The following SORCS3 variants were observed in gnomAD, a reference collection of about 807,000 sequenced individuals.
SORCS3 encodes sortilin related VPS10 domain containing receptor 3, also known as VPS10 domain-containing receptor SorCS3.
SORCS3 carries 57 observed loss-of-function variants against 146.3 expected under a neutral mutation model. The ratio of observed to expected loss-of-function variants is 0.39; its 90% CI spans 0.31 to 0.49. The LOEUF is 0.49. Among genes scored for constraint, SORCS3 ranks in the 20% least tolerant of loss-of-function variants. SORCS3 has a pLI of 0.92. For missense variants in SORCS3, 1,341 were observed against 1,575.5 expected (o/e 0.85, Z 2.52); for synonymous variants, 653 against 618.5 (o/e 1.06, Z -0.83).
At chr10:104,727,693 A>T (rs1284373245) in intron 1 of SORCS3, among the ~76,000 whole-genome samples, 1 of 152,130 alleles carries the variant, frequency 6.6e-6, no homozygotes, top group Non-Finnish European at 1.5e-5. Context: ...GACCAGTATC[A>T]GTCCGTGGCC....
intron 3 of SORCS3, among the ~76,000 whole-genome samples, chr10:104,923,240 T>C (rs1045454228): frequency 1.3e-5 from 2 of 152,222 alleles, no homozygotes; most frequent in Non-Finnish European, 2.9e-5. Flanking sequence ...ATGATCCACA[T>C]TTAATTTCTG....
At chr10:104,868,644 C>T (rs1023340975) in intron 2 of SORCS3, among the ~76,000 whole-genome samples, 1 of 152,114 alleles carries the variant, frequency 6.6e-6, no homozygotes, top group Non-Finnish European at 1.5e-5. Flanking sequence ...TGATATTCAG[C>T]AGGCTCAGCC....
chr10:105,113,463 T>C (rs1163485609), intron 7 of SORCS3, among the ~76,000 whole-genome samples: 1 of 152,146 alleles, frequency 6.6e-6, no homozygotes, highest in Admixed American at 6.6e-5. Flanking sequence ...ACATTAAAAA[T>C]TTTACCCTCT....
chr10:105,101,979 C>T (rs1470118698), intron 6 of SORCS3, among the ~76,000 whole-genome samples: 3 of 152,170 alleles, frequency 2.0e-5, no homozygotes, highest in African/African-American at 7.2e-5. Context: ...CAATGTGCTC[C>T]AAAGCACAGC....
chr10:105,211,366 C>T (rs2056632782), intron 17 of SORCS3, 116 bp downstream of exon 17: 1 of 723,818 alleles, frequency 1.4e-6, no homozygotes, highest in East Asian at 2.7e-5. Context: ...CTGTTTATAA[C>T]AAATGGCATT....
intron 1 of SORCS3, among the ~76,000 whole-genome samples, chr10:104,696,440 TA>T (rs2016198594): frequency 2.0e-5 from 1 of 49,046 alleles, no homozygotes; most frequent in African/African-American, 7.1e-5. Flanking sequence ...ATAGAATATA[TA>T]ATATATAGAA....
At chr10:104,867,750 G>A (rs972820051) in intron 2 of SORCS3, among the ~76,000 whole-genome samples, 2 of 152,172 alleles carry the variant, frequency 1.3e-5, no homozygotes, top group Non-Finnish European at 2.9e-5. Context: ...AGACCTCAAA[G>A]ATAATGAGGA....
At chr10:104,986,734 G>C (rs1434628901) in intron 4 of SORCS3, among the ~76,000 whole-genome samples, 2 of 152,174 alleles carry the variant, frequency 1.3e-5, no homozygotes, top group African/African-American at 4.8e-5. Flanking sequence ...GAGAGAGATA[G>C]GAGAATTGTC....
chr10:104,794,588 G>GGTGT (rs373822186), intron 1 of SORCS3, among the ~76,000 whole-genome samples: 1 of 133,936 alleles, frequency 7.5e-6, no homozygotes, highest in Non-Finnish European at 1.6e-5. Context: ...AGGTAGATAG[G>GGTGT]GTGTGTGTGT....
chr10:104,877,213 C>T (rs1294501243), intron 2 of SORCS3, among the ~76,000 whole-genome samples: 1 of 152,072 alleles, frequency 6.6e-6, no homozygotes, highest in Admixed American at 6.6e-5. Context: ...CGTATTTCAC[C>T]TAGTCCAGTC....
intron 2 of SORCS3, among the ~76,000 whole-genome samples, chr10:104,848,227 T>C (rs1287874565): frequency 6.6e-6 from 1 of 152,152 alleles, no homozygotes; most frequent in East Asian, 1.9e-4. Flanking sequence ...CTCCTGCCAC[T>C]TGGGGATTCT....
chr10:105,086,261 G>T (rs935001773), intron 5 of SORCS3, among the ~76,000 whole-genome samples: 1 of 152,196 alleles, frequency 6.6e-6, no homozygotes, highest in Non-Finnish European at 1.5e-5. Flanking sequence ...CACATAGCTG[G>T]AGTCAGGTAG....
intron 7 of SORCS3, among the ~76,000 whole-genome samples, chr10:105,120,155 C>G (rs986021842): frequency 7.9e-5 from 12 of 152,098 alleles, no homozygotes; most frequent in Non-Finnish European, 1.5e-5. Context: ...CTCACAAGAT[C>G]TGATGGTTTT....
chr10:104,810,089 G>T (rs912134259), intron 1 of SORCS3, among the ~76,000 whole-genome samples: 1 of 152,204 alleles, frequency 6.6e-6, no homozygotes, highest in Non-Finnish European at 1.5e-5. Flanking sequence ...GCCACATCTT[G>T]AATGTTAAAA....
Position 104,793,520 on chromosome 10 carries a change from A to G in SORCS3, c.628-49272A>G, listed in dbSNP as rs1020853119. Among the ~76,000 whole-genome samples the G allele has an allele frequency of 2.0e-5, 3 of 152,182 alleles. No homozygotes were observed. The East Asian group carries it at 5.8e-4, about 29-fold the overall frequency. On this transcript the variant is annotated intron_variant, in intron 1 of 26. Transcript: ENST00000369701. ...GTCTGTGGTATTACAATATTCCAGGAAGAAGATTATGGAAATCTGGACTGA... is the reference window on the plus strand; with the variant it reads ...GTCTGTGGTATTACAATATTCCAGGGAGAAGATTATGGAAATCTGGACTGA...
intron 1 of SORCS3, among the ~76,000 whole-genome samples, chr10:104,681,540 G>A (rs2015974898): frequency 6.6e-6 from 1 of 152,202 alleles, no homozygotes; most frequent in African/African-American, 2.4e-5. Flanking sequence ...TTGCTTAGGG[G>A]CCTTGGTTTG....
At chr10:104,801,336 G>A (rs749745343) in intron 1 of SORCS3, among the ~76,000 whole-genome samples, 1 of 152,188 alleles carries the variant, frequency 6.6e-6, no homozygotes, top group Non-Finnish European at 1.5e-5. Flanking sequence ...GAGTGGGCAG[G>A]CTCTGCAGCC....
chr10:105,158,350 T>C (rs1487284845), intron 10 of SORCS3, among the ~76,000 whole-genome samples: 1 of 152,218 alleles, frequency 6.6e-6, no homozygotes, highest in African/African-American at 2.4e-5. Context: ...CACAGACTTA[T>C]ATAGGTTTTA....
At chr10:104,791,334 T>C (rs2017493188) in intron 1 of SORCS3, among the ~76,000 whole-genome samples, 1 of 152,222 alleles carries the variant, frequency 6.6e-6, no homozygotes, top group Admixed American at 6.5e-5. Flanking sequence ...AGTCAGTCCT[T>C]TGTTGAACTC....
Sources: allele counts gnomAD v4.1 joint callset (sites outside exome capture counted in the v4.1 genomes callset), GRCh38; gene constraint gnomAD v4.1.1; transcripts MANE v1.5; gene names NCBI Gene and HGNC (gene_info 2026-07-23, HGNC 2026-07-21).